The following GLYATL1 variants were observed in gnomAD, a reference collection of about 807,000 sequenced individuals.
GLYATL1 encodes the protein glycine-N-acyltransferase like 1.
In GLYATL1, 15 loss-of-function variants were observed where a neutral mutation model predicts 20.0. The observed-to-expected ratio is 0.75, with a 90% CI of 0.50 to 1.15. GLYATL1 has a LOEUF of 1.15. Among genes scored for constraint, GLYATL1 ranks in the 50% most tolerant of loss-of-function variants. The pLI, the probability that GLYATL1 is intolerant of heterozygous loss-of-function variation, is 0.00. For missense variants in GLYATL1, 380 were observed against 368.5 expected, an observed-to-expected ratio of 1.03 and a Z score of -0.26; for synonymous variants, 151 against 131.5, an observed-to-expected ratio of 1.15 and a Z score of -1.01.
At chr11:58,927,517 A>G (rs1855455987), upstream of GLYATL1, 1 of 152,234 alleles carries the variant, frequency 6.6e-6, no homozygotes, top group African/African-American at 2.4e-5. Flanking sequence ...GGTGGACCCC[A>G]GCCTCCCCTT....
Position 58,956,264 on chromosome 11 carries a change from C to A in GLYATL1, c.*237C>A. On this transcript the variant is annotated 3_prime_UTR_variant, in exon 7 of 7. Transcript: ENST00000532726. ...TATGCTTAAGTGTTATAGGGAAAGA[C>A]GGGGTTACCAGTAAACATGTAACTA... The A allele has an allele frequency of 4.1e-6, 2 of 486,050 alleles. No individual in the cohort carries two copies. Among genetic ancestry groups the A allele is most frequent in the East Asian group, 3.1e-5 (1 of 32,136 alleles). The allele number at this position is 486,050 out of a possible 1,614,324, so 30.1% of individuals were successfully genotyped here. A position where few individuals can be genotyped will look rare whatever the true frequency, so the allele number is the denominator to read the frequency against.
intron 1 of GLYATL1, among the ~76,000 whole-genome samples, chr11:58,920,086 G>T (rs1162609484): frequency 6.6e-6 from 1 of 152,148 alleles, no homozygotes; most frequent in Non-Finnish European, 1.5e-5. Context: ...CTCTCTAGAA[G>T]GCAGAGCTGC....
At chr11:58,938,744 AG>A (rs1350027868), upstream of GLYATL1, among the ~76,000 whole-genome samples, 4 of 152,338 alleles carry the variant, frequency 2.6e-5, no homozygotes, top group Admixed American at 6.5e-5. Context: ...AGGAAAGCAC[AG>A]GGGTCTAGTT....
intron 1 of GLYATL1, among the ~76,000 whole-genome samples, chr11:58,917,473 G>A (rs185903317): frequency 6.6e-6 from 1 of 152,330 alleles, no homozygotes; most frequent in Non-Finnish European, 1.5e-5. Flanking sequence ...GTAGTGGCAT[G>A]CAAGCAAGGA....
In GLYATL1 at chr11:58,954,866, G is replaced by T. The variant is rs145603117; in HGVS notation, c.283G>T (p.Val95Leu). The T allele has an allele frequency of 1.9e-6, 3 of 1,612,990 alleles. No individual in the cohort carries two copies. The highest frequency in any genetic ancestry group is 2.5e-6 in the Non-Finnish European group (3 of 1,179,606). The change falls in exon 5 of 7, where the codon GTA becomes TTA. Residue 95 changes from valine to leucine, a missense_variant. Coordinates refer to ENST00000532726, the MANE Select transcript of GLYATL1 (RefSeq NM_001389712.2). ...AGAAGTTTTGAAAAATTGTGAGATC[G>T]TAAACTGGAAACAGAGACTCCAAAT... ...SEEVLKNCEI[V>L]NWKQRLQIQG...
At chr11:58,924,089 C>G (rs1336077952), upstream of GLYATL1, among the ~76,000 whole-genome samples, 3 of 152,166 alleles carry the variant, frequency 2.0e-5, no homozygotes, top group Non-Finnish European at 4.4e-5. Context: ...TGCTGAGTGT[C>G]CGACCGCCTG....
At chr11:58,905,850 G>A (rs1242761590) in intron 1 of GLYATL1, among the ~76,000 whole-genome samples, 7 of 152,212 alleles carry the variant, frequency 4.6e-5, no homozygotes, top group African/African-American at 1.4e-4. Context: ...TTCAATCACT[G>A]TCTGGAGTGA....
chr11:58,928,097 T>C (rs1855476763), intron 1 of GLYATL1, among the ~76,000 whole-genome samples: 1 of 152,238 alleles, frequency 6.6e-6, no homozygotes, highest in African/African-American at 2.4e-5. Context: ...CCATGGACTT[T>C]GGGATTTAAC....
At chr11:58,927,449 C>T (rs1855453590), upstream of GLYATL1, among the ~76,000 whole-genome samples, 1 of 152,202 alleles carries the variant, frequency 6.6e-6, no homozygotes, top group Non-Finnish European at 1.5e-5. Flanking sequence ...TGTAAAAGCG[C>T]TGCTTTTTGC....
chr11:58,910,191 C>A (rs1855006124), downstream of GLYATL1, among the ~76,000 whole-genome samples: 1 of 152,092 alleles, frequency 6.6e-6, no homozygotes, highest in Non-Finnish European at 1.5e-5. Flanking sequence ...GGTAGAATAG[C>A]TTTCTGGAAA....
chr11:58,942,670 A>T (rs76995669), intron 1 of GLYATL1: 1 of 152,200 alleles, frequency 6.6e-6, no homozygotes, highest in Non-Finnish European at 1.5e-5. Flanking sequence ...GGAATCCAAG[A>T]GATGTCAAAC....
chr11:58,937,726 A>G (rs559511862), upstream of GLYATL1, among the ~76,000 whole-genome samples: 1 of 152,326 alleles, frequency 6.6e-6, no homozygotes, highest in Non-Finnish European at 1.5e-5. Flanking sequence ...CTCTCCTCAG[A>G]TTCCCTAGGA....
chr11:58,938,697 A>G (rs1855947733), upstream of GLYATL1, among the ~76,000 whole-genome samples: 1 of 152,194 alleles, frequency 6.6e-6, no homozygotes, highest in Admixed American at 6.5e-5. Context: ...GGAGTCCTAG[A>G]GAGTAACCAC....
chr11:58,953,506 A>G (rs1291269638), intron 4 of GLYATL1, among the ~76,000 whole-genome samples: 1 of 150,808 alleles, frequency 6.6e-6, no homozygotes, highest in Non-Finnish European at 1.5e-5. Flanking sequence ...TTTAAAAATG[A>G]ACTTTTGGCT....
intron 3 of GLYATL1, chr11:58,947,538 G>A (rs766115040): frequency 2.9e-5 from 13 of 454,334 alleles, no homozygotes; most frequent in Admixed American, 7.1e-5. Flanking sequence ...TGGGAATAAC[G>A]TTAGCACCTA....
chr11:58,943,376 C>A, intron 1 of GLYATL1, 167 bp from the exon 2 acceptor site: 1 of 1,541,886 alleles, frequency 6.5e-7, no homozygotes, highest in Middle Eastern at 1.7e-4. Context: ...TTTCTGGTTC[C>A]TGTACATCAC....
At position 58,955,201 on chromosome 11, in the gene GLYATL1, G is replaced by C. The variant is rs776658060; in HGVS notation, c.339G>C (p.Gly113=). ...IQGLQESLGE[G]IRVATFSKSV... ...GTCTTCAAGAAAGTTTAGGTGAGGG[G>C]ATAAGAGTGGCTACATTTTCAAAGT... Residue 113 remains glycine, a synonymous_variant, in exon 6 of 7, where the codon GGG becomes GGC. Transcript: ENST00000532726. The C allele has an allele frequency of 6.2e-7, 1 of 1,613,936 alleles. No homozygotes were observed. The highest frequency in any genetic ancestry group is 1.1e-5 in the South Asian group (1 of 90,990).
chr11:58,915,044 C>T (rs1361984937), intron 1 of GLYATL1, among the ~76,000 whole-genome samples: 1 of 152,134 alleles, frequency 6.6e-6, no homozygotes, highest in Non-Finnish European at 1.5e-5. Context: ...CCTGTCCTGG[C>T]CCTTAGTCAT....
upstream of GLYATL1, among the ~76,000 whole-genome samples, chr11:58,923,598 T>C (rs774115694): frequency 6.6e-6 from 1 of 152,286 alleles, no homozygotes; most frequent in South Asian, 2.1e-4. Context: ...GATTTTCCTT[T>C]TGATTGAGTT....
Sources: gnomAD v4.1 joint callset for allele counts (sites outside exome capture counted in the v4.1 genomes callset) on GRCh38, gnomAD v4.1.1 for gene constraint, MANE v1.5 for transcripts, NCBI Gene and HGNC (gene_info 2026-07-23, HGNC 2026-07-21) for gene names.